Variants in PDGFRA observed in about 807,000 individuals in gnomAD.
PDGFRA encodes platelet derived growth factor receptor alpha.
Under a neutral mutation model 121.5 loss-of-function variants are expected in PDGFRA, and 25 were observed. The observed-to-expected ratio is 0.21, with a 90% CI of 0.15 to 0.29. The LOEUF (loss-of-function observed/expected upper bound fraction) is 0.29. Ranked by LOEUF, PDGFRA falls within the 10% of genes least tolerant of loss-of-function variation. The pLI is 1.00. For missense variants in PDGFRA, 1,008 were observed against 1,345.1 expected (o/e 0.75, Z 3.92); for synonymous variants, 463 against 494.8 (o/e 0.94, Z 0.85).
Position 54,261,167 on chromosome 4 carries a change from T to C in PDGFRA, c.122T>C (p.Leu41Pro), listed in dbSNP as rs1341010273. The C allele has an allele frequency of 6.2e-7, 1 of 1,614,066 alleles. No individual in the cohort carries two copies. The highest frequency in any genetic ancestry group is 2.2e-5 in the East Asian group (1 of 44,900). ...LPNENEKVVQ[L>P]NSSFSLRCFG... ...AATGAAAATGAAAAGGTTGTGCAGC[T>C]GAATTCATCCTTTTCTCTGAGATGC... Residue 41 changes from leucine (L) to proline (P), a missense_variant, in exon 3 of 23, where the codon CTG becomes CCG. This residue lies in a region of PDGFRA where 575 missense variants were observed against 701.8 expected (regional missense o/e 0.82). Coordinates refer to ENST00000257290, the MANE Select transcript of PDGFRA (RefSeq NM_006206.6).
chr4:54,291,048 C>A (rs1487827515), intron 22 of PDGFRA, among the ~76,000 whole-genome samples: 1 of 152,156 alleles, frequency 6.6e-6, no homozygotes, highest in African/African-American at 2.4e-5. Flanking sequence ...GGGGTGGTGG[C>A]CAACTGCTCC....
intron 1 of PDGFRA, among the ~76,000 whole-genome samples, chr4:54,231,362 T>C (rs1236263084): frequency 6.6e-6 from 1 of 152,190 alleles, no homozygotes. Flanking sequence ...CGGTCGCTCC[T>C]GACAAGAACT....
At chr4:54,245,876 A>C (rs1217017851) in intron 1 of PDGFRA, among the ~76,000 whole-genome samples, 2 of 152,074 alleles carry the variant, frequency 1.3e-5, no homozygotes, top group Non-Finnish European at 1.5e-5. Context: ...AAGATCTACC[A>C]AGCAAATGGA....
rs1437782858 is a variant in PDGFRA, at chr4:54,297,913, A to G, written c.*2641A>G. ...AATGATGTTATACATCAATATGTAT[A>G]TATGTATTTCTATATAGACTTGGAG... On this transcript the variant is annotated 3_prime_UTR_variant, in exon 23 of 23. Coordinates refer to ENST00000257290, the MANE Select transcript of PDGFRA (RefSeq NM_006206.6). 1.7e-5 allele frequency: 4 copies of G among 233,102 alleles called. No homozygotes were observed. Among genetic ancestry groups the G allele is most frequent in the Non-Finnish European group, 3.4e-5 (4 of 117,810 alleles). 14.4% of individuals were successfully genotyped at this position (233,102 alleles called of 1,614,324 possible). A position where few individuals can be genotyped will look rare whatever the true frequency, so the allele number is the denominator to read the frequency against.
At chr4:54,240,343 G>A (rs77175211) in intron 1 of PDGFRA, among the ~76,000 whole-genome samples, 2,186 of 152,230 alleles carry the variant, frequency 0.014, 61 homozygotes, top group African/African-American at 0.05. Context: ...ATTATGTTAG[G>A]TCTCATGCTT....
chr4:54,287,656 A>C, intron 19 of PDGFRA, 115 bp downstream of exon 19: 1 of 734,500 alleles, frequency 1.4e-6, no homozygotes. Context: ...GTGTGAGGCC[A>C]GTATGCTGCA....
At position 54,289,015 on chromosome 4, in the gene PDGFRA, G is replaced by C. The variant is rs759251401; in HGVS notation, c.2781G>C (p.Glu927Asp). ...TTGAGTTCTGTCCCCACAGCTACGA[G>C]ATCATGGTGAAATGCTGGAACAGTG... ...KPDHATSEVY[E>D]IMVKCWNSEP... The change falls in exon 21 of 23, where the codon GAG becomes GAC. Residue 927 changes from glutamate (E) to aspartate (D), a missense_variant. By Grantham distance (45) the Glu-to-Asp change is conservative. Around this residue, in one of 5 missense-constraint regions of PDGFRA, gnomAD observed 204 missense variants for 243.0 expected, o/e 0.84. Transcript: ENST00000257290. 5 of 1,606,624 alleles carry C rather than the reference G, an allele frequency of 3.1e-6. No individual in the cohort carries two copies. In the Admixed American group the frequency reaches 8.3e-5, roughly 27 times the overall value.
At chr4:54,284,943 G>C (rs1436947484) in intron 16 of PDGFRA, among the ~76,000 whole-genome samples, 1 of 133,696 alleles carries the variant, frequency 7.5e-6, no homozygotes, top group Non-Finnish European at 1.5e-5. Flanking sequence ...CAGTGCAGTG[G>C]TGTGATCTTG....
chr4:54,297,928 T>C lies in PDGFRA; in HGVS notation c.*2656T>C, dbSNP rs1360428195. 2 of 232,986 alleles carry C rather than the reference T, an allele frequency of 8.6e-6. No homozygotes were observed. Among genetic ancestry groups the C allele is most frequent in the East Asian group, 6.1e-5 (1 of 16,436 alleles). The allele number at this position is 232,986 out of a possible 1,614,324, so 14.4% of individuals were successfully genotyped here. A position where few individuals can be genotyped will look rare whatever the true frequency, so the allele number is the denominator to read the frequency against. The stretch of plus-strand genomic sequence containing the variant: ...CAATATGTATATATGTATTTCTATA[T>C]AGACTTGGAGAATACTGCCAAAACA... On this transcript the variant is annotated 3_prime_UTR_variant, in exon 23 of 23. Coordinates refer to ENST00000257290, the MANE Select transcript of PDGFRA (RefSeq NM_006206.6).
chr4:54,248,893 A>C (rs941322863), intron 1 of PDGFRA, among the ~76,000 whole-genome samples: 40 of 152,352 alleles, frequency 2.6e-4, no homozygotes, highest in Non-Finnish European at 4.6e-4. Context: ...CAACCCCATC[A>C]AAAAGTGGGC....
chr4:54,285,117 A>G (rs1413082959), intron 16 of PDGFRA, among the ~76,000 whole-genome samples: 2 of 151,742 alleles, frequency 1.3e-5, no homozygotes, highest in African/African-American at 4.8e-5. Flanking sequence ...ACTGGTCTCA[A>G]ACTTCTGACC....
intron 1 of PDGFRA, among the ~76,000 whole-genome samples, chr4:54,244,291 T>C (rs1344006235): frequency 1.3e-5 from 2 of 152,298 alleles, no homozygotes; most frequent in Middle Eastern, 3.4e-3. Context: ...CCCTGACCCC[T>C]GAGCAGCCTA....
At chr4:54,256,330 G>T (rs774809388) in intron 1 of PDGFRA, among the ~76,000 whole-genome samples, 5 of 152,040 alleles carry the variant, frequency 3.3e-5, no homozygotes, top group Non-Finnish European at 7.3e-5. Context: ...CTACCTCAGG[G>T]GTTCAAGCGA....
chr4:54,258,273 A>G (rs557331736), intron 1 of PDGFRA, among the ~76,000 whole-genome samples: 66 of 152,174 alleles, frequency 4.3e-4, no homozygotes, highest in African/African-American at 1.5e-3. Context: ...CAGTATCACA[A>G]AGGCCTCCTG....
At chr4:54,273,108 T>G (rs1427858973) in intron 9 of PDGFRA, among the ~76,000 whole-genome samples, 1 of 152,144 alleles carries the variant, frequency 6.6e-6, no homozygotes, top group African/African-American at 2.4e-5. Flanking sequence ...GTCTTATAAC[T>G]CAATCTGAGG....
rs112327648 is a variant in PDGFRA, at chr4:54,265,458, G to C, written c.759+409G>C. ...GAGGTTTGATTCATCTGATAGTGTT[G>C]ATTGCCCGCACCCCTTCCTCTTCTG... On this transcript the variant is annotated intron_variant, in intron 5 of 22. Coordinates refer to ENST00000257290, the MANE Select transcript of PDGFRA (RefSeq NM_006206.6). 595 of 283,846 alleles carry C rather than the reference G, an allele frequency of 2.1e-3. 5 individuals carry two copies. The highest frequency in any genetic ancestry group is 0.012 in the African/African-American group (545 of 46,096). The allele number at this position is 283,846 out of a possible 1,614,324, so 17.6% of individuals were successfully genotyped here. A position where few individuals can be genotyped will look rare whatever the true frequency, so the allele number is the denominator to read the frequency against.
At chr4:54,293,270 A>C (rs1724719737) in intron 22 of PDGFRA, among the ~76,000 whole-genome samples, 1 of 151,966 alleles carries the variant, frequency 6.6e-6, no homozygotes, top group African/African-American at 2.4e-5. Flanking sequence ...ATGTGTTGTA[A>C]ACTGGTAGTT....
At chr4:54,275,669 G>A (rs1031742219) in intron 12 of PDGFRA, among the ~76,000 whole-genome samples, 3 of 152,120 alleles carry the variant, frequency 2.0e-5, no homozygotes, top group Non-Finnish European at 4.4e-5. Context: ...ATTATCCACC[G>A]GTCTCATTGC....
intron 1 of PDGFRA, among the ~76,000 whole-genome samples, chr4:54,236,542 G>A (rs1453388815): frequency 6.6e-5 from 10 of 152,188 alleles, no homozygotes; most frequent in Non-Finnish European, 8.8e-5. Context: ...AGTGGCTCAC[G>A]CCTGTAATCC....
Sources: allele counts gnomAD v4.1 joint callset (sites outside exome capture counted in the v4.1 genomes callset), GRCh38; gene constraint gnomAD v4.1.1; regional missense constraint gnomAD v4.1.1; transcripts MANE v1.5; gene names NCBI Gene and HGNC (gene_info 2026-07-23, HGNC 2026-07-21).